Variants in HERC2 observed in about 807,000 individuals in gnomAD.
The protein encoded by HERC2 is HECT and RLD domain containing E3 ubiquitin protein ligase 2.
HERC2 carries 102 observed loss-of-function variants against 537.7 expected under a neutral mutation model. The observed-to-expected ratio is 0.19, with a 90% CI of 0.16 to 0.22. The LOEUF (loss-of-function observed/expected upper bound fraction) is 0.22. Among genes scored for constraint, HERC2 ranks in the 10% least tolerant of loss-of-function variants. HERC2 has a pLI of 1.00. For synonymous variants in HERC2, 2,224 were observed against 2,466.2 expected, an observed-to-expected ratio of 0.90 and a Z score of 2.91; for missense variants, 4,236 against 6,198.2, an observed-to-expected ratio of 0.68 and a Z score of 10.63.
intron 44 of HERC2, among the ~76,000 whole-genome samples, chr15:28,209,134 T>C (rs1444123358): frequency 6.6e-6 from 1 of 152,168 alleles, no homozygotes; most frequent in Non-Finnish European, 1.5e-5. Flanking sequence ...TATAAACGGA[T>C]ATACATAGCA....
chr15:28,290,524 A>C (rs55935219), intron 4 of HERC2, among the ~76,000 whole-genome samples: 1 of 152,030 alleles, frequency 6.6e-6, no homozygotes, highest in Non-Finnish European at 1.5e-5. Context: ...GCCACCACAC[A>C]CAGCTACATT....
At chr15:28,261,057 A>G in intron 15 of HERC2, 87 bp from the exon 16 acceptor site, 1 of 902,072 alleles carries the variant, frequency 1.1e-6, no homozygotes, top group South Asian at 1.7e-5. Context: ...CAGGTCAGAC[A>G]GCTTTTAACA....
intron 5 of HERC2, among the ~76,000 whole-genome samples, chr15:28,277,369 TCA>T (rs1461445172): frequency 6.6e-6 from 1 of 151,800 alleles, no homozygotes; most frequent in African/African-American, 2.4e-5. Flanking sequence ...GATGACTGTG[TCA>T]CAGTTTGCAA....
chr15:28,238,078 G>A lies in HERC2; in HGVS notation c.3852+36C>T, dbSNP rs756955127. The A allele has an allele frequency of 3.3e-6, 4 of 1,198,900 alleles. No homozygotes were observed. The South Asian group carries it at 3.6e-5, about 11-fold the overall frequency. 74.3% of individuals were successfully genotyped at this position (1,198,900 alleles called of 1,614,324 possible). A position where few individuals can be genotyped will look rare whatever the true frequency, so the allele number is the denominator to read the frequency against. ...CACAAACACACAGAGGGTATCCCCT[G>A]CCATCCTCTGCATCACTCAAGGCAT... is the stretch of plus-strand genomic sequence containing the variant. On this transcript the variant is annotated intron_variant, in intron 25 of 92. Transcript: ENST00000261609.
At chr15:28,133,223 T>G (rs999028434) in intron 79 of HERC2, among the ~76,000 whole-genome samples, 3 of 152,160 alleles carry the variant, frequency 2.0e-5, no homozygotes, top group Non-Finnish European at 4.4e-5. Flanking sequence ...TCACCCCCAC[T>G]ATGAATTAAC....
At chr15:28,262,734 T>A (rs1017552947) in intron 15 of HERC2, among the ~76,000 whole-genome samples, 184 bp downstream of exon 15, 3 of 152,228 alleles carry the variant, frequency 2.0e-5, no homozygotes, top group African/African-American at 7.2e-5. Flanking sequence ...CCAATTAGTA[T>A]CAATACCTAT....
chr15:28,260,854 C>T lies in HERC2; in HGVS notation c.2239G>A (p.Val747Met), dbSNP rs1402447763. The T allele has an allele frequency of 6.2e-7, 1 of 1,614,228 alleles. No individual in the cohort carries two copies. Among genetic ancestry groups the T allele is most frequent in the Admixed American group, 1.7e-5 (1 of 60,028 alleles). Residue 747 changes from valine to methionine, a missense_variant, in exon 16 of 93, where the codon GTG becomes ATG. Physicochemically the swap from Val to Met is conservative, Grantham distance 21. Transcript: ENST00000261609. ...AATGCTGCAGGTTCTGGCTTGGTCA[C>T]GCGCAAGGTGTCAAAGTGCTGGCAC... is the stretch of plus-strand genomic sequence containing the variant. The part of the protein sequence containing the change: ...DQCQHFDTLR[V>M]TKPEPAALPG...
At chr15:28,171,553 C>T (rs1275744973) in intron 65 of HERC2, among the ~76,000 whole-genome samples, 2 of 151,950 alleles carry the variant, frequency 1.3e-5, no homozygotes, top group African/African-American at 4.8e-5. Flanking sequence ...TTCATAAAAG[C>T]AGATGCTGCT....
In HERC2 at chr15:28,124,098, G is replaced by C. The variant is rs779924490; in HGVS notation, c.13127C>G (p.Thr4376Ser). Residue 4376 changes from threonine (T) to serine (S), a missense_variant, in exon 85 of 93, where the codon ACT (threonine) becomes AGT (serine). Around this residue, in one of 27 missense-constraint regions of HERC2, gnomAD observed 189 missense variants for 255.7 expected, o/e 0.74. Transcript: ENST00000261609. ...MFDLEGSLDETGLGPSVGFDT... is the reference protein window; with the variant it reads ...MFDLEGSLDESGLGPSVGFDT... ...GAACCCAACAGAAGGCCCGAGTCCA[G>C]TTTCGTCGAGCGAGCCTTCCAGGTC... The C allele has an allele frequency of 6.2e-7, 1 of 1,608,580 alleles. No homozygotes were observed. Among genetic ancestry groups the C allele is most frequent in the African/African-American group, 1.3e-5 (1 of 74,812 alleles).
chr15:28,116,300 G>A (rs1158404457), intron 88 of HERC2, among the ~76,000 whole-genome samples: 4 of 147,908 alleles, frequency 2.7e-5, no homozygotes, highest in African/African-American at 1.0e-4. Flanking sequence ...TGCAACCTCC[G>A]CCTCCCGGGT....
intron 48 of HERC2, 28 bp downstream of exon 48, chr15:28,201,428 G>A (rs377556840): frequency 6.9e-5 from 95 of 1,381,800 alleles, no homozygotes; most frequent in African/African-American, 6.3e-4. Flanking sequence ...AAAACGGATC[G>A]AGGCTCCAGC....
chr15:28,152,300 C>T (rs1016662327), intron 70 of HERC2, among the ~76,000 whole-genome samples: 1 of 152,190 alleles, frequency 6.6e-6, no homozygotes, highest in African/African-American at 2.4e-5. Context: ...AAAAGATATA[C>T]ACGTGGGTAA....
At chr15:28,159,522 A>T (rs1251789815) in intron 69 of HERC2, among the ~76,000 whole-genome samples, 1 of 152,160 alleles carries the variant, frequency 6.6e-6, no homozygotes, top group African/African-American at 2.4e-5. Context: ...AGGTGATCGA[A>T]TTGGCTACTG....
intron 57 of HERC2, among the ~76,000 whole-genome samples, chr15:28,180,555 C>T (rs142510054): frequency 1.2e-4 from 18 of 152,254 alleles, no homozygotes; most frequent in Admixed American, 5.9e-4. Flanking sequence ...GACAGAAAAA[C>T]GTAGACAGCT....
intron 37 of HERC2, 94 bp from the exon 38 acceptor site, chr15:28,218,765 G>T: frequency 8.9e-7 from 1 of 1,122,736 alleles, no homozygotes. Flanking sequence ...TTACATTCTT[G>T]TTTTATTGAA....
At chr15:28,158,682 CTT>C (rs1251658782) in intron 69 of HERC2, among the ~76,000 whole-genome samples, 22 of 152,126 alleles carry the variant, frequency 1.4e-4, no homozygotes, top group Admixed American at 1.3e-3. Flanking sequence ...GGTCTTGACT[CTT>C]TATCCAATTT....
intron 84 of HERC2, 75 bp downstream of exon 84, chr15:28,124,931 C>A: frequency 7.1e-7 from 1 of 1,412,450 alleles, no homozygotes; most frequent in Non-Finnish European, 9.7e-7. Context: ...TCTGTAAACA[C>A]ACAACGACAG....
chr15:28,167,644 A>C, intron 68 of HERC2, 43 bp downstream of exon 68: 1 of 1,608,184 alleles, frequency 6.2e-7, no homozygotes, highest in Non-Finnish European at 8.5e-7. Flanking sequence ...TGTACATTTA[A>C]GATTATTTCA....
rs6497284 is a variant in HERC2 at position 28,176,880 on chromosome 15, T to C, written c.9432+70A>G. 0.024 allele frequency: 38,244 copies of C among 1,583,548 alleles called. 7,873 individuals are homozygous for C. The African/African-American group carries it at 0.45, about 19-fold the overall frequency. Reference sequence around the variant, plus strand: ...ACATCTTTATGAACTTTCCTAGACTTGAAGCTTATTTTCTCTTGACATCTT... The same window carrying C: ...ACATCTTTATGAACTTTCCTAGACTCGAAGCTTATTTTCTCTTGACATCTT... On this transcript the variant is annotated intron_variant, in intron 61 of 92. Transcript: ENST00000261609. This position sits in a 1 kb window ranked among gnomAD's most constrained non-coding sequence, Gnocchi z 5.0.
Sources: allele counts gnomAD v4.1 joint callset (sites outside exome capture counted in the v4.1 genomes callset), GRCh38; gene constraint gnomAD v4.1.1; regional missense constraint gnomAD v4.1.1; non-coding constraint Gnocchi (gnomAD v3.1); transcripts MANE v1.5; gene names NCBI Gene and HGNC (gene_info 2026-07-23, HGNC 2026-07-21).